The following LMAN2 variants were observed in gnomAD, a reference collection of about 807,000 sequenced individuals.
LMAN2 encodes lectin, mannose binding 2.
In LMAN2, 22 loss-of-function variants were observed where a neutral mutation model predicts 39.3. The ratio of observed to expected loss-of-function variants is 0.56; its 90% CI spans 0.40 to 0.80. LMAN2 has a LOEUF of 0.80. LMAN2 is among the 30% of genes least tolerant of loss of function. LMAN2 has a pLI of 0.00. For synonymous variants in LMAN2, 207 were observed against 207.8 expected (o/e 1.00, Z 0.03); for missense variants, 494 against 505.4 (o/e 0.98, Z 0.22).
rs557912654 is a variant in LMAN2, at chr5:177,332,607, T to C, written c.911-361A>G. Among the ~76,000 whole-genome samples, 1 of 152,248 alleles carries C rather than the reference T, an allele frequency of 6.6e-6. No individual in the cohort carries two copies. The highest frequency in any genetic ancestry group is 2.4e-5 in the African/African-American group (1 of 41,550). ...ACATATCCAAGCCCCACCCCCACGC[T>C]GTGGTCTGAGGGCCCTTTCTGGAGC... On this transcript the variant is annotated intron_variant, in intron 7 of 7. Coordinates refer to ENST00000303127, the MANE Select transcript of LMAN2 (RefSeq NM_006816.3). The surrounding 1 kb of genome is among the most constrained non-coding windows in gnomAD (Gnocchi z 6.3).
chr5:177,346,625 G>A (rs1452706144), intron 2 of LMAN2, among the ~76,000 whole-genome samples: 1 of 151,752 alleles, frequency 6.6e-6, no homozygotes, highest in South Asian at 2.1e-4. Flanking sequence ...GAAACTGACA[G>A]AACTACAAAG....
At chr5:177,344,240 T>G (rs1253172780) in intron 2 of LMAN2, among the ~76,000 whole-genome samples, 1 of 151,436 alleles carries the variant, frequency 6.6e-6, no homozygotes, top group African/African-American at 2.4e-5. Flanking sequence ...AAAAAATTTT[T>G]TTTTAATTTT....
At chr5:177,333,787 A>G (rs1179149423) in intron 7 of LMAN2, among the ~76,000 whole-genome samples, 1 of 152,170 alleles carries the variant, frequency 6.6e-6, no homozygotes, top group Non-Finnish European at 1.5e-5. Flanking sequence ...TTTTGTAGAA[A>G]CCCAATTTCC....
Position 177,338,545 on chromosome 5 carries a change from T to C in LMAN2, c.376A>G (p.Lys126Glu), listed in dbSNP as rs1431593712. 7 of 1,614,144 alleles carry C rather than the reference T, an allele frequency of 4.3e-6. No homozygotes were observed. Among genetic ancestry groups the C allele is most frequent in the Non-Finnish European group, 5.9e-6 (7 of 1,180,048 alleles). ...VHFKVHGTGK[K>E]NLHGDGIALW... ...GCGATGCCGTCTCCATGGAGGTTCT[T>C]CTTCCCTGTGCCGTGGACTTTGAAG... Residue 126 changes from lysine to glutamate, a missense_variant, in exon 3 of 8, where the codon AAG (lysine) becomes GAG (glutamate). Physicochemically the swap from Lys to Glu is moderately conservative, Grantham distance 56. Transcript: ENST00000303127.
At position 177,351,444 on chromosome 5, in the gene LMAN2, G is replaced by A. The variant is rs758728276; in HGVS notation, c.196+8C>T. ...ACTCTTCACTCATTCCCGCCCCAAG[G>A]GCTTCACCTTGGTAGGGCTTAATGA... On this transcript the variant is annotated splice_region_variant and intron_variant, in intron 1 of 7. Coordinates refer to ENST00000303127, the MANE Select transcript of LMAN2 (RefSeq NM_006816.3). 20 of 1,611,670 alleles carry A rather than the reference G, an allele frequency of 1.2e-5. No homozygotes were observed. The East Asian group carries it at 4.2e-4, about 34-fold the overall frequency.
At chr5:177,333,054 G>C (rs1160085859) in intron 7 of LMAN2, among the ~76,000 whole-genome samples, 1 of 152,164 alleles carries the variant, frequency 6.6e-6, no homozygotes, top group Non-Finnish European at 1.5e-5. Flanking sequence ...CTCCCTTCCT[G>C]CACAAGCTGC....
chr5:177,347,385 A>C (rs1204546373), intron 2 of LMAN2, among the ~76,000 whole-genome samples: 1 of 152,212 alleles, frequency 6.6e-6, no homozygotes, highest in Non-Finnish European at 1.5e-5. Flanking sequence ...AGACTCCTCC[A>C]GGACTACGCA....
intron 2 of LMAN2, among the ~76,000 whole-genome samples, chr5:177,345,736 CATTTATTTATTTATTTATTTATTT>C (rs752212044): frequency 7.4e-6 from 1 of 135,554 alleles, no homozygotes; most frequent in South Asian, 2.4e-4. Flanking sequence ...CCATGGCATG[CATTTATTTATTTATTTATTTATTT>C]ATTTATTTAT....
At chr5:177,341,648 G>A (rs1761556185) in intron 2 of LMAN2, among the ~76,000 whole-genome samples, 1 of 152,184 alleles carries the variant, frequency 6.6e-6, no homozygotes, top group Non-Finnish European at 1.5e-5. Flanking sequence ...TCATTCTTCA[G>A]GGAGAAAGAA....
chr5:177,345,187 A>C (rs2127318671), intron 2 of LMAN2, among the ~76,000 whole-genome samples: 1 of 151,468 alleles, frequency 6.6e-6, no homozygotes, highest in Non-Finnish European at 1.5e-5. Context: ...CAAAAAAAAA[A>C]AAAAAAAATT....
At position 177,331,802 on chromosome 5, in the gene LMAN2, G is replaced by T; in HGVS notation, c.*284C>A. 1 of 318,136 alleles carries T rather than the reference G, an allele frequency of 3.1e-6. No individual in the cohort carries two copies. The highest frequency in any genetic ancestry group is 6.6e-5 in the South Asian group (1 of 15,050). 19.7% of individuals were successfully genotyped at this position (318,136 alleles called of 1,614,324 possible). A position where few individuals can be genotyped will look rare whatever the true frequency, so the allele number is the denominator to read the frequency against. ...CCGGGGGACCCTCCAGTGTTCAACA[G>T]CTGCCTGCAGGGGCCACAGCCCATC... is the stretch of plus-strand genomic sequence containing the variant. On this transcript the variant is annotated 3_prime_UTR_variant, in exon 8 of 8. Transcript: ENST00000303127.
At chr5:177,347,872 A>C (rs1354457677) in intron 2 of LMAN2, among the ~76,000 whole-genome samples, 1 of 152,150 alleles carries the variant, frequency 6.6e-6, no homozygotes, top group African/African-American at 2.4e-5. Context: ...TGTGTCCCAG[A>C]TACTCAGAGG....
intron 2 of LMAN2, among the ~76,000 whole-genome samples, chr5:177,339,471 C>T (rs1161751500): frequency 3.3e-5 from 5 of 152,230 alleles, no homozygotes; most frequent in African/African-American, 7.2e-5. Flanking sequence ...GGATGGGCAC[C>T]GCCTACGCCA....
chr5:177,345,739 T>TTATTTA (rs1761627727), intron 2 of LMAN2, among the ~76,000 whole-genome samples: 1 of 129,128 alleles, frequency 7.7e-6, no homozygotes, highest in Admixed American at 7.2e-5. Flanking sequence ...TGGCATGCAT[T>TTATTTA]TATTTATTTA....
chr5:177,339,478 G>A (rs1465108217), intron 2 of LMAN2, among the ~76,000 whole-genome samples: 2 of 152,250 alleles, frequency 1.3e-5, no homozygotes, highest in Admixed American at 6.5e-5. Context: ...CACCGCCTAC[G>A]CCAAGGGAGA....
chr5:177,351,659 C>T lies in LMAN2; in HGVS notation c.-12G>A. 6.4e-7 allele frequency: 1 copy of T among 1,568,966 alleles called. No individual in the cohort carries two copies. Among genetic ancestry groups the T allele is most frequent in the South Asian group, 1.2e-5 (1 of 85,144 alleles). Reference sequence around the variant, plus strand: ...CCTTCCGCCGCCATTCTCCTCTCCTCTCGGCCACTTCCGCCCTAGAACTTC... The same window carrying T: ...CCTTCCGCCGCCATTCTCCTCTCCTTTCGGCCACTTCCGCCCTAGAACTTC... On this transcript the variant is annotated 5_prime_UTR_variant, in exon 1 of 8. Coordinates refer to ENST00000303127, the MANE Select transcript of LMAN2 (RefSeq NM_006816.3).
chr5:177,338,896 T>G (rs1008276383), intron 2 of LMAN2, among the ~76,000 whole-genome samples: 3 of 152,220 alleles, frequency 2.0e-5, no homozygotes, highest in Non-Finnish European at 2.9e-5. Flanking sequence ...TAGGTTTAGG[T>G]GGCTGCCACA....
chr5:177,336,951 C>T lies in LMAN2; in HGVS notation c.790+185G>A, dbSNP rs542185912. On this transcript the variant is annotated intron_variant, in intron 6 of 7. Transcript: ENST00000303127. Reference sequence around the variant, plus strand: ...GAAGAAAGGAGGAGGAGGAACACAGCCAGGTGAGCCCAGAAACCACAGGAA... The same window carrying T: ...GAAGAAAGGAGGAGGAGGAACACAGTCAGGTGAGCCCAGAAACCACAGGAA... 3.0e-3 allele frequency: 1,837 copies of T among 603,274 alleles called. 5 individuals are homozygous for T. The highest frequency in any genetic ancestry group is 4.5e-3 in the Non-Finnish European group (1,543 of 340,462). 37.4% of individuals were successfully genotyped at this position (603,274 alleles called of 1,614,324 possible). A position where few individuals can be genotyped will look rare whatever the true frequency, so the allele number is the denominator to read the frequency against.
chr5:177,350,201 A>G (rs1175891741), intron 2 of LMAN2, among the ~76,000 whole-genome samples: 1 of 152,180 alleles, frequency 6.6e-6, no homozygotes. Flanking sequence ...ACACAAGGAC[A>G]GTGTGGGTTC....
Sources: gnomAD v4.1 joint callset for allele counts (sites outside exome capture counted in the v4.1 genomes callset) on GRCh38, gnomAD v4.1.1 for gene constraint, Gnocchi (gnomAD v3.1) non-coding constraint, MANE v1.5 for transcripts, NCBI Gene and HGNC (gene_info 2026-07-23, HGNC 2026-07-21) for gene names.